The following RPH3AL variants were observed in gnomAD, a reference collection of about 807,000 sequenced individuals.
RPH3AL encodes rab effector Noc2.
In RPH3AL, 38 loss-of-function variants were observed where a neutral mutation model predicts 43.1. The observed-to-expected ratio is 0.88, with a 90% CI of 0.68 to 1.15. The LOEUF is 1.15. Ranked by LOEUF, RPH3AL falls within the 50% of genes most tolerant of loss-of-function variation. The probability of loss-of-function intolerance (pLI) is 0.00; values close to 1 mark genes in which losing one functional copy is unlikely to be tolerated. For missense variants in RPH3AL, 462 were observed against 423.2 expected (o/e 1.09, Z -0.81); for synonymous variants, 189 against 176.3 (o/e 1.07, Z -0.57).
chr17:314,636 C>T (rs1356174800), intron 5 of RPH3AL, among the ~76,000 whole-genome samples: 1 of 120,834 alleles, frequency 8.3e-6, no homozygotes, highest in Non-Finnish European at 2.0e-5. Flanking sequence ...CTCCATTGAC[C>T]TGTAGTCCCT....
At chr17:242,270 C>T (rs2041561471) in intron 7 of RPH3AL, among the ~76,000 whole-genome samples, 1 of 132,290 alleles carries the variant, frequency 7.6e-6, no homozygotes, top group African/African-American at 2.8e-5. Flanking sequence ...TATTGATTAC[C>T]TTCCTCTATT....
intron 6 of RPH3AL, among the ~76,000 whole-genome samples, chr17:272,985 T>TTCAGGGAGAGACCCCAGCGAGGGTG (rs1567604470): frequency 2.8e-5 from 1 of 36,360 alleles, no homozygotes; most frequent in African/African-American, 8.8e-5. Context: ...CAGCAAGGGC[T>TTCAGGGAGAGACCCCAGCGAGGGTG]ACGTCAGGGT....
Position 333,354 on chromosome 17 carries a change from C to G in RPH3AL, c.-37+405G>C, listed in dbSNP as rs551587823. On this transcript the variant is annotated intron_variant, in intron 2 of 9. Coordinates refer to ENST00000331302, the MANE Select transcript of RPH3AL (RefSeq NM_006987.4). The surrounding 1 kb of genome is among the most constrained non-coding windows in gnomAD (Gnocchi z 4.5). ...CCTTAAATTCTCACATCAGCCACCC[C>G]CATGGCGACTCTTAACACCTTAATG... The G allele has an allele frequency of 5.0e-6, 6 of 1,209,512 alleles. No homozygotes were observed. The South Asian group carries it at 5.1e-5, about 10-fold the overall frequency. 74.9% of individuals were successfully genotyped at this position (1,209,512 alleles called of 1,614,324 possible). A position where few individuals can be genotyped will look rare whatever the true frequency, so the allele number is the denominator to read the frequency against.
At chr17:266,503 G>A (rs2042327196) in intron 6 of RPH3AL, among the ~76,000 whole-genome samples, 2 of 152,180 alleles carry the variant, frequency 1.3e-5, no homozygotes, top group African/African-American at 4.8e-5. Flanking sequence ...AGATGCGCTG[G>A]AAATCACACC....
rs779918313 is a variant in RPH3AL at position 213,874 on chromosome 17, C to CCT, written c.924_925dup (p.Gly309GlufsTer45). Reference sequence around the variant, plus strand: ...ACCTCAGCCCAGGCAGCTGGAGGGGCCTGCTGGAGCTGCGTCAGCAGCGGG... The same window carrying CCT: ...ACCTCAGCCCAGGCAGCTGGAGGGGCCTCTGCTGGAGCTGCGTCAGCAGCGGG... On this transcript the variant is annotated frameshift_variant, in exon 10 of 10. Transcript: ENST00000331302. LOFTEE classifies it high-confidence loss of function. 1 of 1,613,666 alleles carries CCT rather than the reference C, an allele frequency of 6.2e-7. No homozygotes were observed. The highest frequency in any genetic ancestry group is 2.2e-5 in the East Asian group (1 of 44,878).
intron 7 of RPH3AL, among the ~76,000 whole-genome samples, chr17:242,080 A>G: frequency 1.3e-5 from 2 of 152,118 alleles, no homozygotes; most frequent in African/African-American, 4.8e-5. Flanking sequence ...TCACACCACC[A>G]CACTCCAGCC....
In RPH3AL at chr17:225,935, GT is replaced by G. The variant is rs2041096555; in HGVS notation, c.614-6200del. ...ACCCTCCATCTCCCCACTCTTCCTT[GT>G]TCTGTCATCTATCACACATGGTCAC... is the stretch of plus-strand genomic sequence containing the variant. On this transcript the variant is annotated intron_variant, in intron 7 of 9. Coordinates refer to ENST00000331302, the MANE Select transcript of RPH3AL (RefSeq NM_006987.4). This position sits in a 1 kb window ranked among gnomAD's most constrained non-coding sequence, Gnocchi z 4.4. 6.6e-6 allele frequency among the ~76,000 whole-genome samples: 1 copy of G among 152,236 alleles called. No homozygotes were observed. The highest frequency in any genetic ancestry group is 2.1e-4 in the South Asian group (1 of 4,830).
intron 6 of RPH3AL, among the ~76,000 whole-genome samples, chr17:257,735 GTGT>G (rs2151565027): frequency 3.5e-5 from 2 of 57,246 alleles, no homozygotes; most frequent in East Asian, 4.8e-4. Flanking sequence ...GAGCCGCACG[GTGT>G]CTGTCCTTTT....
At chr17:250,894 C>T (rs1485800805) in intron 6 of RPH3AL, among the ~76,000 whole-genome samples, 2 of 150,406 alleles carry the variant, frequency 1.3e-5, no homozygotes, top group African/African-American at 2.5e-5. Flanking sequence ...CCTCTCAGAG[C>T]CTAAGCGCCA....
At chr17:231,451 C>A (rs4890195) in intron 7 of RPH3AL, among the ~76,000 whole-genome samples, 1 of 152,182 alleles carries the variant, frequency 6.6e-6, no homozygotes, top group Non-Finnish European at 1.5e-5. Flanking sequence ...CTGAGCCCCA[C>A]GTGCAAGGCC....
intron 6 of RPH3AL, among the ~76,000 whole-genome samples, chr17:268,812 C>T (rs1445300555): frequency 6.6e-6 from 1 of 152,114 alleles, no homozygotes; most frequent in Non-Finnish European, 1.5e-5. Flanking sequence ...AATCCTCCCG[C>T]CTCAGCCTCC....
chr17:245,731 C>G lies in RPH3AL; in HGVS notation c.613+1380G>C, dbSNP rs1039995055. On this transcript the variant is annotated intron_variant, in intron 7 of 9. Transcript: ENST00000331302. This position sits in a 1 kb window ranked among gnomAD's most constrained non-coding sequence, Gnocchi z 5.9. ...GACCAGGTGGAGGACCGCCACTTCT[C>G]CAGCCAATCTCGGGCCACTCAGTTC... is the stretch of plus-strand genomic sequence containing the variant. 2.0e-5 allele frequency among the ~76,000 whole-genome samples: 3 copies of G among 152,110 alleles called. No individual in the cohort carries two copies. Among genetic ancestry groups the G allele is most frequent in the Non-Finnish European group, 2.9e-5 (2 of 68,008 alleles).
intron 5 of RPH3AL, among the ~76,000 whole-genome samples, chr17:291,829 C>T (rs1399507417): frequency 2.6e-5 from 4 of 152,174 alleles, no homozygotes; most frequent in East Asian, 1.9e-4. Flanking sequence ...TAGCAGGGCG[C>T]TCCACCACGT....
intron 5 of RPH3AL, among the ~76,000 whole-genome samples, chr17:307,343 C>T (rs1468497039): frequency 9.8e-5 from 10 of 101,540 alleles, no homozygotes; most frequent in South Asian, 3.2e-4. Context: ...GGCAGGTCCT[C>T]CCCGCGGCAG....
At chr17:218,710 AC>A (rs2040876108) in intron 8 of RPH3AL, among the ~76,000 whole-genome samples, 1 of 152,084 alleles carries the variant, frequency 6.6e-6, no homozygotes, top group Non-Finnish European at 1.5e-5. Flanking sequence ...GCCCCCGTTA[AC>A]CCTCTTTCAT....
At chr17:269,442 C>T (rs957721169) in intron 6 of RPH3AL, among the ~76,000 whole-genome samples, 1 of 152,220 alleles carries the variant, frequency 6.6e-6, no homozygotes, top group African/African-American at 2.4e-5. Flanking sequence ...TTCACCGTTG[C>T]TGTTTTCCAA....
At chr17:247,081 C>A in intron 7 of RPH3AL, 30 bp downstream of exon 7, 1 of 1,613,458 alleles carries the variant, frequency 6.2e-7, no homozygotes, top group Non-Finnish European at 8.5e-7. Context: ...CTTTACAGGC[C>A]ATCCTGGGAG....
intron 1 of RPH3AL, among the ~76,000 whole-genome samples, chr17:347,244 C>G (rs188543313): frequency 0.012 from 967 of 80,170 alleles, 187 homozygotes; most frequent in Admixed American, 0.082. Flanking sequence ...GGCAACAGAG[C>G]GAGACTCCGT....
At position 235,182 on chromosome 17, in the gene RPH3AL, G is replaced by A. The variant is rs1044796379; in HGVS notation, c.613+11929C>T. 6.2e-4 allele frequency among the ~76,000 whole-genome samples: 91 copies of A among 145,732 alleles called. No homozygotes were observed. The Middle Eastern group carries it at 0.011, about 18-fold the overall frequency. ...CAAAGCTGGGGTCAGCTGAGGCTCT[G>A]CAGTAACAAGAGGGATCCCGGGTTC... On this transcript the variant is annotated intron_variant, in intron 7 of 9. Coordinates refer to ENST00000331302, the MANE Select transcript of RPH3AL (RefSeq NM_006987.4).
Sources: gnomAD v4.1 joint callset for allele counts (sites outside exome capture counted in the v4.1 genomes callset) on GRCh38, gnomAD v4.1.1 for gene constraint, Gnocchi (gnomAD v3.1) non-coding constraint, MANE v1.5 for transcripts, NCBI Gene and HGNC (gene_info 2026-07-23, HGNC 2026-07-21) for gene names.